Variants in PCDH9 observed in about 807,000 individuals in gnomAD.
The protein encoded by PCDH9 is protocadherin 9.
Under a neutral mutation model 70.6 loss-of-function variants are expected in PCDH9, and 24 were observed. The ratio of observed to expected loss-of-function variants is 0.34; its 90% CI spans 0.25 to 0.48. The LOEUF (loss-of-function observed/expected upper bound fraction) is 0.48, where lower values mean the gene tolerates loss of function less well. Ranked by LOEUF, PCDH9 falls within the 20% of genes least tolerant of loss-of-function variation. PCDH9 has a pLI of 0.99. For missense variants in PCDH9, 1,281 were observed against 1,503.6 expected (o/e 0.85, Z 2.45); for synonymous variants, 562 against 558.5 (o/e 1.01, Z -0.09).
Position 66,585,555 on chromosome 13 carries a change from A to G in PCDH9, c.3340+45655T>C, listed in dbSNP as rs920184969. On this transcript the variant is annotated intron_variant, in intron 4 of 4. Transcript: ENST00000377865. ...AAATATTATATCTCTTCATTTAAGA[A>G]CTTAAAAAATATTTCAGCAATCAGA... 2.0e-5 allele frequency among the ~76,000 whole-genome samples: 3 copies of G among 152,272 alleles called. No individual in the cohort carries two copies. In the East Asian group the frequency reaches 5.8e-4, roughly 29 times the overall value.
chr13:66,912,032 T>G (rs1054399469), intron 2 of PCDH9, among the ~76,000 whole-genome samples: 1 of 152,202 alleles, frequency 6.6e-6, no homozygotes, highest in African/African-American at 2.4e-5. Flanking sequence ...ATCATTTAAC[T>G]GTATTTGTAC....
chr13:66,380,814 A>T (rs1396896736), intron 4 of PCDH9, among the ~76,000 whole-genome samples: 3 of 152,292 alleles, frequency 2.0e-5, no homozygotes, highest in Non-Finnish European at 4.4e-5. Flanking sequence ...GAGTGCTGGG[A>T]TTACAGGCGT....
At chr13:67,044,948 T>C (rs755665058) in intron 2 of PCDH9, among the ~76,000 whole-genome samples, 3 of 152,144 alleles carry the variant, frequency 2.0e-5, no homozygotes, top group Non-Finnish European at 4.4e-5. Context: ...GAATCTGATA[T>C]ACTTCCAGAT....
At chr13:66,960,614 T>C (rs1355300551) in intron 2 of PCDH9, among the ~76,000 whole-genome samples, 1 of 152,236 alleles carries the variant, frequency 6.6e-6, no homozygotes, top group Non-Finnish European at 1.5e-5. Flanking sequence ...TAAATAACTT[T>C]TCTTTACAAA....
chr13:66,532,347 C>T (rs1440798841), intron 4 of PCDH9, among the ~76,000 whole-genome samples: 1 of 151,932 alleles, frequency 6.6e-6, no homozygotes, highest in Non-Finnish European at 1.5e-5. Flanking sequence ...CTTAAACGTT[C>T]CCCATGGGTG....
chr13:66,311,745 C>A (rs9564308), intron 4 of PCDH9, among the ~76,000 whole-genome samples: 1 of 151,872 alleles, frequency 6.6e-6, no homozygotes, highest in Non-Finnish European at 1.5e-5. Flanking sequence ...TATTCTATGC[C>A]CAATCAATAC....
At position 66,821,929 on chromosome 13, in the gene PCDH9, G is replaced by A. The variant is rs531685814; in HGVS notation, c.3138+81575C>T. Among the ~76,000 whole-genome samples, 9 of 152,188 alleles carry A rather than the reference G, an allele frequency of 5.9e-5. No individual in the cohort carries two copies. In the South Asian group the frequency reaches 1.9e-3, roughly 32 times the overall value. On this transcript the variant is annotated intron_variant, in intron 3 of 4. Coordinates refer to ENST00000377865, the MANE Select transcript of PCDH9 (RefSeq NM_203487.3). Reference sequence around the variant, plus strand: ...TCTCAATGTGATTTTTATGTCAACTGACTACTCTGTAAAATAGCTGTCTAT... The same window carrying A: ...TCTCAATGTGATTTTTATGTCAACTAACTACTCTGTAAAATAGCTGTCTAT...
At chr13:66,901,296 T>C (rs1460073367) in intron 3 of PCDH9, among the ~76,000 whole-genome samples, 1 of 151,764 alleles carries the variant, frequency 6.6e-6, no homozygotes, top group Non-Finnish European at 1.5e-5. Flanking sequence ...AATATACATA[T>C]AAACTTCTTG....
intron 4 of PCDH9, among the ~76,000 whole-genome samples, chr13:66,389,658 A>G (rs1360467342): frequency 6.6e-6 from 1 of 152,194 alleles, no homozygotes; most frequent in East Asian, 1.9e-4. Context: ...GCTGGCTAAA[A>G]CTTAGCTGGT....
chr13:66,750,909 A>G (rs11842666), intron 3 of PCDH9, among the ~76,000 whole-genome samples: 48,767 of 152,030 alleles, frequency 0.32, 8,064 homozygotes, highest in East Asian at 0.45. Flanking sequence ...TTATAAGTCT[A>G]GTGTATAGCA....
chr13:66,951,377 A>G (rs1035096731), intron 2 of PCDH9, among the ~76,000 whole-genome samples: 1 of 151,540 alleles, frequency 6.6e-6, no homozygotes, highest in Non-Finnish European at 1.5e-5. Flanking sequence ...TTTCTGATCC[A>G]CAAGGGTTTA....
At chr13:66,426,854 A>G (rs889320967) in intron 4 of PCDH9, among the ~76,000 whole-genome samples, 1 of 151,612 alleles carries the variant, frequency 6.6e-6, no homozygotes, top group African/African-American at 2.4e-5. Context: ...GTTCAACATT[A>G]AAAACAACTT....
At chr13:66,921,410 A>G (rs1032102205) in intron 2 of PCDH9, among the ~76,000 whole-genome samples, 1 of 151,212 alleles carries the variant, frequency 6.6e-6, no homozygotes, top group African/African-American at 2.4e-5. Context: ...TAGGCAACTC[A>G]GTCATCGTGA....
intron 4 of PCDH9, among the ~76,000 whole-genome samples, chr13:66,397,630 G>A (rs970054682): frequency 2.7e-5 from 4 of 150,640 alleles, no homozygotes; most frequent in African/African-American, 9.8e-5. Context: ...TACATATTTT[G>A]TATATATATA....
rs752066005 is a variant in PCDH9, at chr13:67,225,674, C to A, written c.2767G>T (p.Ala923Ser). The part of the protein sequence containing the change: ...QSIGRFDWGP[A>S]PPTTFKPNSP... ...TTAGGCTTGAATGTTGTTGGAGGTG[C>A]CGGGCCCCAGTCAAATCTTCCTATA... The change falls in exon 2 of 5, where the codon GCA becomes TCA. Residue 923 changes from alanine to serine, a missense_variant. Ala to Ser is a moderately conservative substitution (Grantham distance 99). Transcript: ENST00000377865. The A allele has an allele frequency of 2.5e-6, 4 of 1,613,962 alleles. No individual in the cohort carries two copies. Among genetic ancestry groups the A allele is most frequent in the Admixed American group, 1.7e-5 (1 of 59,992 alleles).
chr13:67,175,146 A>G (rs1483565865), intron 2 of PCDH9, among the ~76,000 whole-genome samples: 2 of 152,030 alleles, frequency 1.3e-5, no homozygotes, highest in African/African-American at 2.4e-5. Context: ...TAAAAAATGA[A>G]ATAAAAAATG....
At chr13:66,527,067 G>A (rs184952435) in intron 4 of PCDH9, among the ~76,000 whole-genome samples, 5 of 152,110 alleles carry the variant, frequency 3.3e-5, no homozygotes, top group African/African-American at 7.2e-5. Context: ...GTTGAGATGC[G>A]AAAGCCAACT....
chr13:67,122,172 G>T (rs1269276901), intron 2 of PCDH9, among the ~76,000 whole-genome samples: 1 of 152,130 alleles, frequency 6.6e-6, no homozygotes, highest in Non-Finnish European at 1.5e-5. Flanking sequence ...TCACATGGTA[G>T]AGACGCCTGA....
At chr13:66,569,157 AC>A (rs1292351615) in intron 4 of PCDH9, among the ~76,000 whole-genome samples, 1 of 150,310 alleles carries the variant, frequency 6.7e-6, no homozygotes, top group Non-Finnish European at 1.5e-5. Context: ...ATGTGCCACC[AC>A]CCCCAGCTAA....
Sources: gnomAD v4.1 joint callset for allele counts (sites outside exome capture counted in the v4.1 genomes callset) on GRCh38, gnomAD v4.1.1 for gene constraint, MANE v1.5 for transcripts, NCBI Gene and HGNC (gene_info 2026-07-23, HGNC 2026-07-21) for gene names.